The following GIGYF2 variants were observed in gnomAD, a reference collection of about 807,000 sequenced individuals.
The protein encoded by GIGYF2 is GRB10-interacting GYF protein 2.
GIGYF2 carries 25 observed loss-of-function variants against 208.1 expected under a neutral mutation model. That is an observed-to-expected ratio of 0.12 (90% confidence interval 0.09 to 0.17). The LOEUF (loss-of-function observed/expected upper bound fraction) is 0.17. Ranked by LOEUF, GIGYF2 falls within the 10% of genes least tolerant of loss-of-function variation. GIGYF2 has a pLI of 1.00. For missense variants in GIGYF2, 1,302 were observed against 1,579.4 expected (o/e 0.82, Z 2.98); for synonymous variants, 534 against 543.8 (o/e 0.98, Z 0.25).
chr2:232,818,486 T>G (rs1700980071), intron 20 of GIGYF2, among the ~76,000 whole-genome samples: 1 of 152,214 alleles, frequency 6.6e-6, no homozygotes, highest in African/African-American at 2.4e-5. Flanking sequence ...TTCATTCTTC[T>G]GCCTATAGAT....
intron 21 of GIGYF2, among the ~76,000 whole-genome samples, chr2:232,822,586 C>T (rs1040089065): frequency 6.6e-6 from 1 of 152,022 alleles, no homozygotes; most frequent in Non-Finnish European, 1.5e-5. Context: ...GTGGCTGAGG[C>T]AGGAGAACTG....
chr2:232,725,745 C>T (rs954232112), intron 2 of GIGYF2, among the ~76,000 whole-genome samples: 3 of 152,158 alleles, frequency 2.0e-5, no homozygotes, highest in Non-Finnish European at 4.4e-5. Context: ...ATTAGACTGG[C>T]GCCTTGAGGG....
At chr2:232,784,382 A>ATTTTTTTTTTTT (rs1360964345) in intron 8 of GIGYF2, among the ~76,000 whole-genome samples, 3 of 70,418 alleles carry the variant, frequency 4.3e-5, no homozygotes, top group Non-Finnish European at 7.9e-5. Flanking sequence ...ACACGAAATA[A>ATTTTTTTTTTTT]TTTCTTTTTT....
In GIGYF2 at chr2:232,848,722, T is replaced by A. The variant is rs150171377; in HGVS notation, c.3684+1151T>A. 2.1e-3 allele frequency among the ~76,000 whole-genome samples: 314 copies of A among 152,278 alleles called. 6 individuals carry two copies. The highest frequency in any genetic ancestry group is 6.8e-3 in the African/African-American group (283 of 41,552). On this transcript the variant is annotated intron_variant, in intron 27 of 28. Transcript: ENST00000373563. Reference sequence around the variant, plus strand: ...AAATAGACCACAAAAAGGGCACTTGTTGGCAGTATTGAGAACTGTAACAAG... The same window carrying A: ...AAATAGACCACAAAAAGGGCACTTGATGGCAGTATTGAGAACTGTAACAAG...
chr2:232,813,601 T>C (rs1700808832), intron 18 of GIGYF2, among the ~76,000 whole-genome samples: 1 of 152,160 alleles, frequency 6.6e-6, no homozygotes, highest in Non-Finnish European at 1.5e-5. Flanking sequence ...GTGTTGAAGA[T>C]CCTCAAGAAC....
rs768672915 is a variant in GIGYF2 at position 232,819,812 on chromosome 2, A to G, written c.2371-15A>G. 4.9e-5 allele frequency: 25 copies of G among 515,010 alleles called. No individual in the cohort carries two copies. Among genetic ancestry groups the G allele is most frequent in the Non-Finnish European group, 7.9e-5 (24 of 304,334 alleles). 31.9% of individuals were successfully genotyped at this position (515,010 alleles called of 1,614,324 possible). A position where few individuals can be genotyped will look rare whatever the true frequency, so the allele number is the denominator to read the frequency against. On this transcript the variant is annotated splice_polypyrimidine_tract_variant and intron_variant, in intron 20 of 28. Coordinates refer to ENST00000373563, the MANE Select transcript of GIGYF2 (RefSeq NM_001103146.3). ...GTCCCTCCCCCACCCCCCACCCTCC[A>G]TCTTTTTTCCTTAGGAAGAGGCTCT...
intron 8 of GIGYF2, among the ~76,000 whole-genome samples, chr2:232,779,872 G>A (rs1025059841): frequency 1.7e-4 from 26 of 152,190 alleles, no homozygotes; most frequent in African/African-American, 6.3e-4. Context: ...ATAAGTAATT[G>A]TAGGGGAGAG....
chr2:232,852,859 C>T (rs774553091), intron 28 of GIGYF2, among the ~76,000 whole-genome samples: 1 of 152,186 alleles, frequency 6.6e-6, no homozygotes, highest in Non-Finnish European at 1.5e-5. Context: ...ACCGTTTGGA[C>T]TTAAATATTC....
chr2:232,858,369 C>T lies in GIGYF2; in HGVS notation c.*1509C>T. ...TCACCATTCTCCCTATCCCTTCTTG[C>T]CTCCCTCCCTTCTAAACATGTGTAA... On this transcript the variant is annotated 3_prime_UTR_variant, in exon 29 of 29. Coordinates refer to ENST00000373563, the MANE Select transcript of GIGYF2 (RefSeq NM_001103146.3). The T allele has an allele frequency of 2.4e-6, 1 of 411,274 alleles. No individual in the cohort carries two copies. The highest frequency in any genetic ancestry group is 4.7e-6 in the Non-Finnish European group (1 of 211,242). The allele number at this position is 411,274 out of a possible 1,614,324, so 25.5% of individuals were successfully genotyped here. A position where few individuals can be genotyped will look rare whatever the true frequency, so the allele number is the denominator to read the frequency against.
chr2:232,709,878 C>G (rs181596852), intron 2 of GIGYF2, among the ~76,000 whole-genome samples: 2 of 152,122 alleles, frequency 1.3e-5, no homozygotes, highest in Non-Finnish European at 2.9e-5. Flanking sequence ...GTGATCCTCC[C>G]GCCTTGGCTT....
chr2:232,768,620 G>A, intron 8 of GIGYF2: 1 of 1,614,110 alleles, frequency 6.2e-7, no homozygotes, highest in Non-Finnish European at 8.5e-7. Flanking sequence ...CACTGGTCTG[G>A]TAGAGTTTGC....
Position 232,756,102 on chromosome 2 carries a change from G to T in GIGYF2, c.268-121G>T, listed in dbSNP as rs146598051. 4.1e-5 allele frequency: 26 copies of T among 636,010 alleles called. No homozygotes were observed. The East Asian group carries it at 7.1e-4, about 17-fold the overall frequency. The allele number at this position is 636,010 out of a possible 1,614,324, so 39.4% of individuals were successfully genotyped here. A position where few individuals can be genotyped will look rare whatever the true frequency, so the allele number is the denominator to read the frequency against. On this transcript the variant is annotated intron_variant, in intron 5 of 28. Coordinates refer to ENST00000373563, the MANE Select transcript of GIGYF2 (RefSeq NM_001103146.3). ...GGTTTTCCATTGCTAGTAGTAATTA[G>T]ATGCCTTTTTATAGATGCAGTAGGA...
chr2:232,727,140 A>G (rs752218117), intron 2 of GIGYF2, among the ~76,000 whole-genome samples: 7 of 152,008 alleles, frequency 4.6e-5, no homozygotes, highest in Admixed American at 2.0e-4. Flanking sequence ...AATTTTTTGT[A>G]TTTTTAGTAG....
At chr2:232,759,948 T>C (rs1698683517) in intron 6 of GIGYF2, among the ~76,000 whole-genome samples, 1 of 152,186 alleles carries the variant, frequency 6.6e-6, no homozygotes, top group Admixed American at 6.5e-5. Context: ...ACTGTACCTT[T>C]GGTTACTCTG....
At chr2:232,760,716 T>C (rs985886107) in intron 7 of GIGYF2, 125 bp downstream of exon 7, 3 of 682,844 alleles carry the variant, frequency 4.4e-6, no homozygotes, top group African/African-American at 3.6e-5. Flanking sequence ...CTCTTAAGTA[T>C]TGAACATCAA....
chr2:232,848,498 G>A (rs2106429794), intron 27 of GIGYF2, among the ~76,000 whole-genome samples: 1 of 152,320 alleles, frequency 6.6e-6, no homozygotes, highest in South Asian at 2.1e-4. Flanking sequence ...GCCAGGCATG[G>A]TGGTGTGCTC....
chr2:232,830,904 T>C (rs1701407918), intron 21 of GIGYF2, among the ~76,000 whole-genome samples: 1 of 152,376 alleles, frequency 6.6e-6, no homozygotes, highest in Middle Eastern at 3.4e-3. Flanking sequence ...TTCTTGGCTA[T>C]GACAGTTTCT....
Position 232,858,574 on chromosome 2 carries a change from T to C in GIGYF2, c.*1714T>C, listed in dbSNP as rs1051052186. The C allele has an allele frequency of 2.2e-6, 1 of 456,210 alleles. No individual in the cohort carries two copies. Among genetic ancestry groups the C allele is most frequent in the Non-Finnish European group, 4.4e-6 (1 of 226,742 alleles). 28.3% of individuals were successfully genotyped at this position (456,210 alleles called of 1,614,324 possible). ...AAACTTTAGGCTCCCTCGGAACTTTTGCCAGTGTGGAGGAAAATAAAAAAG... is the reference window on the plus strand; with the variant it reads ...AAACTTTAGGCTCCCTCGGAACTTTCGCCAGTGTGGAGGAAAATAAAAAAG... On this transcript the variant is annotated 3_prime_UTR_variant, in exon 29 of 29. Transcript: ENST00000373563.
At chr2:232,814,198 A>G (rs564931731) in intron 18 of GIGYF2, among the ~76,000 whole-genome samples, 62 of 152,084 alleles carry the variant, frequency 4.1e-4, no homozygotes, top group Non-Finnish European at 5.1e-4. Context: ...TGATTGGACA[A>G]TTTTACACGT....
Sources: gnomAD v4.1 joint callset for allele counts (sites outside exome capture counted in the v4.1 genomes callset) on GRCh38, gnomAD v4.1.1 for gene constraint, MANE v1.5 for transcripts, NCBI Gene and HGNC (gene_info 2026-07-23, HGNC 2026-07-21) for gene names.